The following PLEKHA2 variants were observed in gnomAD, a reference collection of about 807,000 sequenced individuals.
The protein encoded by PLEKHA2 is pleckstrin homology domain-containing family A member 2.
Under a neutral mutation model 53.2 loss-of-function variants are expected in PLEKHA2, and 28 were observed. That is an observed-to-expected ratio of 0.53 (90% confidence interval 0.39 to 0.72). PLEKHA2 has a LOEUF of 0.72. Among genes scored for constraint, PLEKHA2 ranks in the 30% least tolerant of loss-of-function variants. The probability of loss-of-function intolerance (pLI) is 0.00; values close to 1 mark genes in which losing one functional copy is unlikely to be tolerated. For synonymous variants in PLEKHA2, 193 were observed against 196.4 expected, an observed-to-expected ratio of 0.98 and a Z score of 0.14; for missense variants, 426 against 537.9, an observed-to-expected ratio of 0.79 and a Z score of 2.06.
chr8:38,928,701 AT>A (rs1193710078), intron 2 of PLEKHA2, among the ~76,000 whole-genome samples: 2 of 152,210 alleles, frequency 1.3e-5, no homozygotes, highest in Non-Finnish European at 2.9e-5. Context: ...AAGTAATAGA[AT>A]AAAAACATTA....
intron 1 of PLEKHA2, among the ~76,000 whole-genome samples, chr8:38,910,367 G>A (rs1402898203): frequency 1.3e-5 from 2 of 152,088 alleles, no homozygotes; most frequent in East Asian, 1.9e-4. Flanking sequence ...AAGGAGAGAG[G>A]GAGAGAAGGA....
At chr8:38,949,082 G>C (rs1834774116) in intron 5 of PLEKHA2, among the ~76,000 whole-genome samples, 1 of 152,034 alleles carries the variant, frequency 6.6e-6, no homozygotes, top group Admixed American at 6.6e-5. Flanking sequence ...TATTGGTCAG[G>C]CTAGTCTCGA....
intron 9 of PLEKHA2, among the ~76,000 whole-genome samples, chr8:38,956,901 T>C (rs1191803536): frequency 1.3e-5 from 2 of 152,136 alleles, no homozygotes; most frequent in African/African-American, 4.8e-5. Flanking sequence ...GGGGCTGTTG[T>C]GAAGATTAGA....
chr8:38,916,875 T>G (rs1021089183), intron 1 of PLEKHA2, among the ~76,000 whole-genome samples: 1 of 152,206 alleles, frequency 6.6e-6, no homozygotes, highest in Admixed American at 6.5e-5. Context: ...TCATACTAAT[T>G]TATATTCCCA....
chr8:38,909,463 C>T (rs1833924211), intron 1 of PLEKHA2, among the ~76,000 whole-genome samples: 1 of 49,882 alleles, frequency 2.0e-5, no homozygotes, highest in Non-Finnish European at 4.4e-5. Flanking sequence ...CTTTCAGCCC[C>T]TCTATGCCTC....
intron 9 of PLEKHA2, among the ~76,000 whole-genome samples, chr8:38,954,996 T>C (rs1159512379): frequency 2.6e-5 from 4 of 152,350 alleles, no homozygotes; most frequent in African/African-American, 9.6e-5. Context: ...ATCGTGCCAC[T>C]GCACTCCAGC....
intron 2 of PLEKHA2, among the ~76,000 whole-genome samples, chr8:38,925,141 T>G (rs1834262170): frequency 6.6e-6 from 1 of 152,244 alleles, no homozygotes; most frequent in African/African-American, 2.4e-5. Flanking sequence ...CTCTAGAACT[T>G]CTTCATCTTG....
At chr8:38,965,392 G>A (rs1223922747) in intron 10 of PLEKHA2, among the ~76,000 whole-genome samples, 1 of 152,144 alleles carries the variant, frequency 6.6e-6, no homozygotes, top group African/African-American at 2.4e-5. Context: ...AAGGAGCATG[G>A]AGATAGCTTA....
rs762621728 is a variant in PLEKHA2, at chr8:38,953,301, G to T, written c.707G>T (p.Arg236Leu). 6.2e-7 allele frequency: 1 copy of T among 1,612,416 alleles called. No individual in the cohort carries two copies. Among genetic ancestry groups the T allele is most frequent in the East Asian group, 2.2e-5 (1 of 44,884 alleles). Residue 236 changes from arginine to leucine, a missense_variant, in exon 9 of 12, where the codon CGA (arginine) becomes CTA (leucine). Arg to Leu is a moderately radical substitution (Grantham distance 102). Transcript: ENST00000617275. ...TICYFKCEQD[R>L]EPLRTIFLKD... ...TCTTTCTGTTCTTTCCACCAGGACC[G>T]AGAACCACTGCGCACCATATTTCTT...
At chr8:38,930,250 G>A (rs2129417990) in intron 2 of PLEKHA2, among the ~76,000 whole-genome samples, 1 of 152,216 alleles carries the variant, frequency 6.6e-6, no homozygotes, top group Admixed American at 6.5e-5. Flanking sequence ...CACCCGGGCT[G>A]GAGTGCAGTG....
rs188333164 is a variant in PLEKHA2 at position 38,967,733 on chromosome 8, C to G, written c.838-859C>G. Among the ~76,000 whole-genome samples, 92 of 149,070 alleles carry G rather than the reference C, an allele frequency of 6.2e-4. No homozygotes were observed. The East Asian group carries it at 0.018, about 28-fold the overall frequency. ...CTGGAGTGCAGTGGTGTGATCTCGGCTCACTGCAACCTCTGCCTCCTGGGT... is the reference window on the plus strand; with the variant it reads ...CTGGAGTGCAGTGGTGTGATCTCGGGTCACTGCAACCTCTGCCTCCTGGGT... On this transcript the variant is annotated intron_variant, in intron 10 of 11. Coordinates refer to ENST00000617275, the MANE Select transcript of PLEKHA2 (RefSeq NM_021623.2).
intron 2 of PLEKHA2, among the ~76,000 whole-genome samples, chr8:38,927,815 T>A (rs774242013): frequency 2.0e-5 from 3 of 152,124 alleles, no homozygotes; most frequent in African/African-American, 4.8e-5. Flanking sequence ...GCTACAGATG[T>A]TATCTGTTAA....
intron 2 of PLEKHA2, among the ~76,000 whole-genome samples, chr8:38,927,373 G>A (rs1309133914): frequency 6.6e-6 from 1 of 152,026 alleles, no homozygotes; most frequent in African/African-American, 2.4e-5. Context: ...AATCGTGGTG[G>A]CATATGTCTG....
intron 10 of PLEKHA2, among the ~76,000 whole-genome samples, 186 bp downstream of exon 10, chr8:38,957,572 C>T (rs1459274679): frequency 2.0e-5 from 3 of 152,280 alleles, no homozygotes; most frequent in Admixed American, 1.3e-4. Context: ...AGCTTCCCAA[C>T]CATAAAATAA....
At chr8:38,969,317 T>G (rs1306333872) in intron 11 of PLEKHA2, 104 bp from the exon 12 acceptor site, 27 of 1,341,386 alleles carry the variant, frequency 2.0e-5, no homozygotes, top group South Asian at 2.7e-5. Flanking sequence ...CTTGGACTTA[T>G]GAGGTGGTGA....
At chr8:38,926,899 G>C (rs6998653) in intron 2 of PLEKHA2, among the ~76,000 whole-genome samples, 10,307 of 152,208 alleles carry the variant, frequency 0.068, 699 homozygotes, top group African/African-American at 0.17. Context: ...TGGGTAACAA[G>C]AGCGAGACTC....
chr8:38,932,997 C>T (rs188053754), intron 2 of PLEKHA2, among the ~76,000 whole-genome samples: 30 of 152,236 alleles, frequency 2.0e-4, no homozygotes, highest in African/African-American at 6.5e-4. Context: ...GCCAGGGAGG[C>T]CAGGACAGAG....
intron 1 of PLEKHA2, among the ~76,000 whole-genome samples, chr8:38,908,767 C>G (rs1008133441): frequency 6.6e-6 from 1 of 152,028 alleles, no homozygotes; most frequent in African/African-American, 2.4e-5. Context: ...TGAGTTTTCC[C>G]CTCATTCATT....
intron 1 of PLEKHA2, chr8:38,901,659 A>C (rs1356134863): frequency 2.6e-5 from 4 of 151,716 alleles, no homozygotes; most frequent in South Asian, 2.1e-4. Context: ...ACCCTCTGGG[A>C]GAGCCCCGAG....
Sources: gnomAD v4.1 joint callset for allele counts (sites outside exome capture counted in the v4.1 genomes callset) on GRCh38, gnomAD v4.1.1 for gene constraint, MANE v1.5 for transcripts, NCBI Gene and HGNC (gene_info 2026-07-23, HGNC 2026-07-21) for gene names.